Variants in CHD1 observed in about 807,000 individuals in gnomAD.
The protein encoded by CHD1 is ATP-dependent chromatin remodeler CHD1.
CHD1 carries 36 observed loss-of-function variants against 224.2 expected under a neutral mutation model. That is an observed-to-expected ratio of 0.16 (90% CI 0.12 to 0.21). The LOEUF is 0.21. CHD1 is among the 10% of genes least tolerant of loss of function. The probability of loss-of-function intolerance (pLI) is 1.00; values close to 1 mark genes in which losing one functional copy is unlikely to be tolerated. For synonymous variants in CHD1, 668 were observed against 658.3 expected (o/e 1.01, Z -0.23); for missense variants, 1,378 against 1,994.8 (o/e 0.69, Z 5.89).
chr5:98,870,751 C>T lies in CHD1; in HGVS notation c.3914G>A (p.Arg1305His). Reference sequence around the variant, plus strand: ...AAGTAATTTGATGAGGTAGTCTGCACGGGTCTGCAACTGTTTTGCTTGTGG... The same window carrying T: ...AAGTAATTTGATGAGGTAGTCTGCATGGGTCTGCAACTGTTTTGCTTGTGG... The part of the protein sequence containing the change: ...KKPQAKQLQT[R>H]ADYLIKLLSR... Residue 1305 changes from arginine (R) to histidine (H), a missense_variant, in exon 29 of 36, where the codon CGT (arginine) becomes CAT (histidine). Transcript: ENST00000614616. The T allele has an allele frequency of 1.2e-6, 2 of 1,612,374 alleles. No homozygotes were observed. Among genetic ancestry groups the T allele is most frequent in the Non-Finnish European group, 1.7e-6 (2 of 1,179,106 alleles).
chr5:98,925,225 T>C (rs757737911), intron 2 of CHD1, among the ~76,000 whole-genome samples: 1 of 152,168 alleles, frequency 6.6e-6, no homozygotes, highest in Non-Finnish European at 1.5e-5. Flanking sequence ...TTTAAGCCCT[T>C]TACATGAAGC....
intron 18 of CHD1, among the ~76,000 whole-genome samples, chr5:98,884,199 G>A (rs1262198356): frequency 4.6e-5 from 7 of 151,146 alleles, no homozygotes; most frequent in East Asian, 2.0e-4. Context: ...TCAGCCTCCC[G>A]AGTAGCTGGG....
At chr5:98,903,683 C>T in intron 4 of CHD1, 109 bp downstream of exon 4, 1 of 833,238 alleles carries the variant, frequency 1.2e-6, no homozygotes, top group Non-Finnish European at 2.1e-6. Flanking sequence ...AAAGTATTTC[C>T]TACTTATTCT....
chr5:98,911,905 G>C (rs1163287382), intron 2 of CHD1, among the ~76,000 whole-genome samples: 1 of 152,212 alleles, frequency 6.6e-6, no homozygotes, highest in African/African-American at 2.4e-5. Flanking sequence ...TGTACGGAAA[G>C]ATGATTGACC....
At chr5:98,924,926 C>T (rs371419158) in intron 2 of CHD1, among the ~76,000 whole-genome samples, 1 of 151,132 alleles carries the variant, frequency 6.6e-6, no homozygotes, top group African/African-American at 2.4e-5. Flanking sequence ...TGCAGTGAGC[C>T]GGGATCACAC....
chr5:98,898,788 T>C (rs1054159077), intron 8 of CHD1, 24 bp from the exon 9 acceptor site: 23 of 1,291,642 alleles, frequency 1.8e-5, no homozygotes, highest in Non-Finnish European at 2.2e-5. Flanking sequence ...AATCCAGGAA[T>C]AGACTTAAAA....
intron 17 of CHD1, 30 bp from the exon 18 acceptor site, chr5:98,885,679 A>T (rs1561510355): frequency 8.3e-7 from 1 of 1,210,622 alleles, no homozygotes; most frequent in African/African-American, 1.5e-5. Context: ...AATACTGCAT[A>T]AACAGAATCA....
At chr5:98,914,476 G>A (rs1426488125) in intron 2 of CHD1, among the ~76,000 whole-genome samples, 1 of 151,844 alleles carries the variant, frequency 6.6e-6, no homozygotes, top group Non-Finnish European at 1.5e-5. Flanking sequence ...TTCAACTAAT[G>A]AGTACTGAGC....
chr5:98,876,633 G>C, intron 23 of CHD1, 75 bp from the exon 24 acceptor site: 3 of 1,267,384 alleles, frequency 2.4e-6, no homozygotes, highest in Non-Finnish European at 3.3e-6. Flanking sequence ...CATTATAAAA[G>C]ATGGTCGGAA....
At chr5:98,892,778 CT>C (rs200379150) in intron 14 of CHD1, 65 bp from the exon 15 acceptor site, 11,059 of 937,654 alleles carry the variant, frequency 0.012, 94 homozygotes, top group African/African-American at 0.061. Flanking sequence ...TGTGTATGAA[CT>C]TTTTTTTTTA....
chr5:98,911,153 ATATATATATATATAT>A (rs1752390027), intron 2 of CHD1, among the ~76,000 whole-genome samples: 1 of 119,618 alleles, frequency 8.4e-6, no homozygotes, highest in Non-Finnish European at 1.7e-5. Flanking sequence ...AAAAATATAT[ATATATATATATATAT>A]ATATATATAG....
chr5:98,855,700 G>A lies in CHD1; in HGVS notation c.*680C>T, dbSNP rs1310540053. 1.3e-5 allele frequency: 2 copies of A among 148,692 alleles called. No individual in the cohort carries two copies. The highest frequency in any genetic ancestry group is 6.7e-5 in the Admixed American group (1 of 14,864). 9.2% of individuals were successfully genotyped at this position (148,692 alleles called of 1,614,324 possible). On this transcript the variant is annotated 3_prime_UTR_variant, in exon 36 of 36. Coordinates refer to ENST00000614616, the MANE Select transcript of CHD1 (RefSeq NM_001270.4). ...TTTTTTTAATAAGAAGGCCTGAGTT[G>A]GTAGGGAAAGGAACAGTCAAAAAAA...
chr5:98,876,578 A>C lies in CHD1; in HGVS notation c.3238-20T>G. On this transcript the variant is annotated intron_variant, in intron 23 of 35. Transcript: ENST00000614616. ...ACTAATCTGGAATTGGAAAATATTT[A>C]CCCAACCTTAGTGTAAAAACAGCTT... The C allele has an allele frequency of 1.9e-6, 3 of 1,609,734 alleles. No homozygotes were observed. The highest frequency in any genetic ancestry group is 2.5e-6 in the Non-Finnish European group (3 of 1,176,752).
In CHD1 at chr5:98,898,249, T is replaced by C. The variant is rs1561524713; in HGVS notation, c.1365+7A>G. ...TTTAATAATTTAAAATGTTAGACAA[T>C]ACTCACTTTGCAATCTTTAAAAGGA... On this transcript the variant is annotated splice_region_variant and intron_variant, in intron 10 of 35. Coordinates refer to ENST00000614616, the MANE Select transcript of CHD1 (RefSeq NM_001270.4). 6.9e-7 allele frequency: 1 copy of C among 1,443,906 alleles called. No individual in the cohort carries two copies. Among genetic ancestry groups the C allele is most frequent in the East Asian group, 2.4e-5 (1 of 41,598 alleles). 89.4% of individuals were successfully genotyped at this position (1,443,906 alleles called of 1,614,324 possible). A position where few individuals can be genotyped will look rare whatever the true frequency, so the allele number is the denominator to read the frequency against.
chr5:98,862,285 C>G (rs1002957409), intron 32 of CHD1, among the ~76,000 whole-genome samples: 5 of 152,150 alleles, frequency 3.3e-5, no homozygotes, highest in African/African-American at 1.2e-4. Flanking sequence ...AGAGTGGCAG[C>G]AGGAATGAAC....
rs1753458387 is a variant in CHD1 at position 98,926,369 on chromosome 5, A to T, written c.18T>A (p.Asp6Glu). The change falls in exon 2 of 36, where the codon GAT becomes GAA. Residue 6 changes from aspartate (D) to glutamate (E), a missense_variant. Physicochemically the swap from Asp to Glu is conservative, Grantham distance 45. Around this residue, in one of 16 missense-constraint regions of CHD1, gnomAD observed 306 missense variants for 298.1 expected, o/e 1.03. Coordinates refer to ENST00000614616, the MANE Select transcript of CHD1 (RefSeq NM_001270.4). ...CACTACTGTTTCTAACACTTTCTTC[A>T]TCACTGTGTCCATTCATTGTAAATT... MNGHS[D>E]EESVRNSSGE... 6.6e-7 allele frequency: 1 copy of T among 1,520,256 alleles called. No homozygotes were observed. The highest frequency in any genetic ancestry group is 8.8e-7 in the Non-Finnish European group (1 of 1,132,072). 94.2% of individuals were successfully genotyped at this position (1,520,256 alleles called of 1,614,324 possible).
intron 25 of CHD1, among the ~76,000 whole-genome samples, chr5:98,874,537 TA>T (rs70984332): frequency 0.56 from 49,460 of 88,282 alleles, 13,453 homozygotes; most frequent in African/African-American, 0.81. Flanking sequence ...CCGTCTCTAC[TA>T]AAAAAAAAAA....
At position 98,871,369 on chromosome 5, in the gene CHD1, CAAAAAAAAAAAAAA is replaced by C. The variant is rs61406690; in HGVS notation, c.3862-580_3862-567del. ...TTCTCCCAGTGTTTCCCATTTTAGG[CAAAAAAAAAAAAAA>C]AAAAAAAAAAAAAAAAGGATTTCAG... is the stretch of plus-strand genomic sequence containing the variant. On this transcript the variant is annotated intron_variant, in intron 28 of 35. Transcript: ENST00000614616. 3.1e-3 allele frequency among the ~76,000 whole-genome samples: 147 copies of C among 46,782 alleles called. 2 individuals are homozygous for C. In the East Asian group the frequency reaches 0.11, roughly 36 times the overall value. 30.7% of individuals were successfully genotyped at this position (46,782 alleles called of 152,430 possible).
chr5:98,885,666 T>G lies in CHD1; in HGVS notation c.2497-17A>C. ...ATCTAATCTCTAGAAAAAAACACATTAAAATACTGCATAAACAGAATCAAA... is the reference window on the plus strand; with the variant it reads ...ATCTAATCTCTAGAAAAAAACACATGAAAATACTGCATAAACAGAATCAAA... On this transcript the variant is annotated splice_polypyrimidine_tract_variant and intron_variant, in intron 17 of 35. Coordinates refer to ENST00000614616, the MANE Select transcript of CHD1 (RefSeq NM_001270.4). 7.3e-7 allele frequency: 1 copy of G among 1,365,360 alleles called. No individual in the cohort carries two copies. Among genetic ancestry groups the G allele is most frequent in the African/African-American group, 1.8e-5 (1 of 56,432 alleles). 84.6% of individuals were successfully genotyped at this position (1,365,360 alleles called of 1,614,324 possible).
Sources: gnomAD v4.1 joint callset for allele counts (sites outside exome capture counted in the v4.1 genomes callset) on GRCh38, gnomAD v4.1.1 for gene constraint, gnomAD v4.1.1 regional missense constraint, MANE v1.5 for transcripts, NCBI Gene and HGNC (gene_info 2026-07-23, HGNC 2026-07-21) for gene names.